Variants in PDE7B observed in about 807,000 individuals in gnomAD.
PDE7B encodes 3',5'-cyclic-AMP phosphodiesterase 7B.
Under a neutral mutation model 56.2 loss-of-function variants are expected in PDE7B, and 29 were observed. The observed-to-expected ratio is 0.52, with a 90% CI of 0.38 to 0.70. The LOEUF is 0.70. PDE7B is among the 30% of genes least tolerant of loss of function. PDE7B has a pLI of 0.00. For synonymous variants in PDE7B, 197 were observed against 196.9 expected, an observed-to-expected ratio of 1.00 and a Z score of 0.00; for missense variants, 490 against 565.0, an observed-to-expected ratio of 0.87 and a Z score of 1.35.
At chr6:136,168,274 G>C (rs1349767463) in intron 8 of PDE7B, among the ~76,000 whole-genome samples, 1 of 152,176 alleles carries the variant, frequency 6.6e-6, no homozygotes, top group Non-Finnish European at 1.5e-5. Flanking sequence ...TAGGAACAAA[G>C]TGATATTTGG....
At chr6:136,063,442 C>T (rs1018135131) in intron 2 of PDE7B, among the ~76,000 whole-genome samples, 3 of 152,156 alleles carry the variant, frequency 2.0e-5, no homozygotes, top group African/African-American at 7.2e-5. Context: ...TCCTTCTGAC[C>T]ATTTCTTCCA....
intron 3 of PDE7B, among the ~76,000 whole-genome samples, chr6:136,109,565 C>G (rs778095353): frequency 1.3e-5 from 2 of 152,114 alleles, no homozygotes; most frequent in South Asian, 4.1e-4. Flanking sequence ...CTATTCTTGC[C>G]TTCCTGGTAA....
intron 2 of PDE7B, among the ~76,000 whole-genome samples, chr6:135,996,325 A>G (rs541447802): frequency 6.6e-6 from 1 of 152,330 alleles, no homozygotes; most frequent in African/African-American, 2.4e-5. Context: ...ACTTGCTGTT[A>G]TATAGATCAC....
At chr6:136,134,734 C>CAAAAAAAAAA (rs67667001) in intron 3 of PDE7B, among the ~76,000 whole-genome samples, 1 of 91,276 alleles carries the variant, frequency 1.1e-5, no homozygotes, top group African/African-American at 4.2e-5. Flanking sequence ...TTATGGTAGG[C>CAAAAAAAAAA]AAAAAAAAAA....
chr6:135,870,122 G>A (rs556721573), intron 1 of PDE7B, among the ~76,000 whole-genome samples: 11 of 152,182 alleles, frequency 7.2e-5, no homozygotes, highest in Non-Finnish European at 1.0e-4. Flanking sequence ...CAGCTGGTGG[G>A]TGTTGTAGGC....
chr6:135,977,726 G>C (rs565808369), intron 2 of PDE7B, among the ~76,000 whole-genome samples: 1 of 152,212 alleles, frequency 6.6e-6, no homozygotes, highest in South Asian at 2.1e-4. Context: ...AAGGGGGTGG[G>C]TTATTATTAA....
chr6:136,045,416 T>C (rs1303671208), intron 2 of PDE7B, among the ~76,000 whole-genome samples: 1 of 152,218 alleles, frequency 6.6e-6, no homozygotes, highest in East Asian at 1.9e-4. Context: ...GGCCCCTTCT[T>C]CTAAGCACTT....
chr6:135,959,270 A>C (rs762849486), intron 2 of PDE7B, among the ~76,000 whole-genome samples: 5 of 152,184 alleles, frequency 3.3e-5, no homozygotes, highest in Non-Finnish European at 7.4e-5. Flanking sequence ...TCATTTTTTC[A>C]ATGATAATCA....
At chr6:135,939,288 TTTTTC>T (rs140856035) in intron 1 of PDE7B, among the ~76,000 whole-genome samples, 2,406 of 151,808 alleles carry the variant, frequency 0.016, 69 homozygotes, top group African/African-American at 0.055. Context: ...GTGATTATCT[TTTTTC>T]TTTTTTTTCT....
intron 3 of PDE7B, among the ~76,000 whole-genome samples, chr6:136,120,309 A>T (rs1057379876): frequency 6.6e-6 from 1 of 152,212 alleles, no homozygotes; most frequent in Non-Finnish European, 1.5e-5. Flanking sequence ...GCTTTCCAAC[A>T]TGTGGTTGTT....
At chr6:136,002,782 G>C (rs1775697393) in intron 2 of PDE7B, among the ~76,000 whole-genome samples, 1 of 151,976 alleles carries the variant, frequency 6.6e-6, no homozygotes, top group Admixed American at 6.6e-5. Flanking sequence ...GTCAACATTA[G>C]ACAGATCAAT....
intron 2 of PDE7B, among the ~76,000 whole-genome samples, chr6:136,007,699 G>A (rs557931970): frequency 6.6e-6 from 1 of 151,954 alleles, no homozygotes; most frequent in South Asian, 2.1e-4. Context: ...TCAGTCTTGG[G>A]AGGGTGTATA....
At position 135,939,537 on chromosome 6, in the gene PDE7B, C is replaced by T. The variant is rs147896651; in HGVS notation, c.22-7927C>T. ...AAATCAGCCCCAGTTCCAAATCTGC[C>T]GTCCTCTGGCACCGGAGTGCTGAGG... On this transcript the variant is annotated intron_variant, in intron 1 of 12. Coordinates refer to ENST00000308191, the MANE Select transcript of PDE7B (RefSeq NM_018945.4). Among the ~76,000 whole-genome samples the T allele has an allele frequency of 1.5e-3, 234 of 152,292 alleles. 4 individuals carry two copies. In the East Asian group the frequency reaches 0.032, roughly 21 times the overall value.
At chr6:136,008,070 G>A (rs1044851594) in intron 2 of PDE7B, among the ~76,000 whole-genome samples, 16 of 151,016 alleles carry the variant, frequency 1.1e-4, no homozygotes, top group Admixed American at 2.0e-4. Context: ...ACCTATGAGT[G>A]AGAACGTGCA....
intron 1 of PDE7B, among the ~76,000 whole-genome samples, chr6:135,935,172 T>TTATATATATATATTTATTTATATATATA (rs1774392234): frequency 5.9e-5 from 3 of 51,160 alleles, no homozygotes; most frequent in Non-Finnish European, 6.3e-5. Context: ...ACAGAGAATT[T>TTATATATATATATTTATTTATATATATA]TATATATATA....
At position 135,938,900 on chromosome 6, in the gene PDE7B, C is replaced by G. The variant is rs945774287; in HGVS notation, c.22-8564C>G. 5.9e-5 allele frequency among the ~76,000 whole-genome samples: 9 copies of G among 152,270 alleles called. No homozygotes were observed. In the East Asian group the frequency reaches 1.3e-3, roughly 23 times the overall value. Reference sequence around the variant, plus strand: ...TAAAAAAATAAAAATAAAAATTACTCTTGGGCTGAAAGCAGGTTTTCCAAG... The same window carrying G: ...TAAAAAAATAAAAATAAAAATTACTGTTGGGCTGAAAGCAGGTTTTCCAAG... On this transcript the variant is annotated intron_variant, in intron 1 of 12. Coordinates refer to ENST00000308191, the MANE Select transcript of PDE7B (RefSeq NM_018945.4).
chr6:135,885,612 AC>A (rs934234537), intron 1 of PDE7B, among the ~76,000 whole-genome samples: 1 of 152,126 alleles, frequency 6.6e-6, no homozygotes, highest in African/African-American at 2.4e-5. Context: ...ATTAAGTGTA[AC>A]CCCATTCCAA....
intron 2 of PDE7B, among the ~76,000 whole-genome samples, chr6:136,088,760 A>T (rs1777335064): frequency 6.6e-6 from 1 of 152,168 alleles, no homozygotes; most frequent in South Asian, 2.1e-4. Context: ...GACTGTGGTG[A>T]TGGTTGCACG....
chr6:136,186,294 G>A (rs1779143836), intron 11 of PDE7B, among the ~76,000 whole-genome samples: 1 of 152,024 alleles, frequency 6.6e-6, no homozygotes, highest in South Asian at 2.1e-4. Context: ...CGGGCATGGT[G>A]GTGCATGCCT....
Sources: gnomAD v4.1 joint callset for allele counts (sites outside exome capture counted in the v4.1 genomes callset) on GRCh38, gnomAD v4.1.1 for gene constraint, MANE v1.5 for transcripts, NCBI Gene and HGNC (gene_info 2026-07-23, HGNC 2026-07-21) for gene names.